The following FAM193A variants were observed in gnomAD, a reference collection of about 807,000 sequenced individuals.
The protein encoded by FAM193A is family with sequence similarity 193 member A, also known as protein FAM193A.
A neutral mutation model predicts 126.5 loss-of-function variants in FAM193A; 22 were observed. The observed-to-expected ratio is 0.17, with a 90% CI of 0.12 to 0.25. The LOEUF (loss-of-function observed/expected upper bound fraction) is 0.25, where lower values mean the gene tolerates loss of function less well. Among genes scored for constraint, FAM193A ranks in the 10% least tolerant of loss-of-function variants. The probability of loss-of-function intolerance (pLI) is 1.00; values close to 1 mark genes in which losing one functional copy is unlikely to be tolerated. For synonymous variants in FAM193A, 761 were observed against 646.8 expected (o/e 1.18, Z -2.68); for missense variants, 1,675 against 1,672.8 (o/e 1.00, Z -0.02).
At chr4:2,680,773 T>A (rs906451850) in intron 13 of FAM193A, among the ~76,000 whole-genome samples, 1 of 151,922 alleles carries the variant, frequency 6.6e-6, no homozygotes, top group Non-Finnish European at 1.5e-5. Flanking sequence ...TCCCATATAG[T>A]TGGGATTACA....
chr4:2,725,938 G>A (rs1019552602), intron 20 of FAM193A, among the ~76,000 whole-genome samples: 3 of 151,426 alleles, frequency 2.0e-5, no homozygotes, highest in African/African-American at 4.9e-5. Flanking sequence ...TCGCTCTGGC[G>A]CCCAGGCTGG....
chr4:2,678,502 A>T (rs2109197927), intron 13 of FAM193A, among the ~76,000 whole-genome samples: 1 of 151,582 alleles, frequency 6.6e-6, no homozygotes, highest in Middle Eastern at 3.4e-3. Context: ...AGCTGGGATT[A>T]CAGGCATGCG....
intron 2 of FAM193A, among the ~76,000 whole-genome samples, chr4:2,598,823 T>A (rs532480251): frequency 5.0e-4 from 75 of 151,474 alleles, no homozygotes; most frequent in Non-Finnish European, 8.1e-4. Flanking sequence ...TAGAGGGGAG[T>A]CTCTCTCTAC....
chr4:2,574,741 T>C (rs762297760), intron 1 of FAM193A, among the ~76,000 whole-genome samples: 1 of 152,174 alleles, frequency 6.6e-6, no homozygotes, highest in African/African-American at 2.4e-5. Flanking sequence ...CTTACATGCA[T>C]GGCATTTTTA....
chr4:2,722,848 A>T (rs1272878848), intron 20 of FAM193A, among the ~76,000 whole-genome samples: 1 of 152,206 alleles, frequency 6.6e-6, no homozygotes, highest in Non-Finnish European at 1.5e-5. Flanking sequence ...AGTAAGTAAG[A>T]GACAGGGTTT....
chr4:2,716,442 A>G (rs1232204838), intron 20 of FAM193A, among the ~76,000 whole-genome samples: 2 of 152,132 alleles, frequency 1.3e-5, no homozygotes, highest in African/African-American at 4.8e-5. Context: ...TCCTGGGGAT[A>G]CAGGCCCCTA....
intron 5 of FAM193A, among the ~76,000 whole-genome samples, chr4:2,638,750 G>T: frequency 6.6e-6 from 1 of 152,102 alleles, no homozygotes; most frequent in East Asian, 1.9e-4. Context: ...TGTTCTCTCA[G>T]CCCCCATACC....
intron 12 of FAM193A, among the ~76,000 whole-genome samples, chr4:2,667,800 A>C (rs1324454173): frequency 6.6e-6 from 1 of 152,016 alleles, no homozygotes; most frequent in African/African-American, 2.4e-5. Context: ...TCTTCTGTTG[A>C]TTCTTTTTTT....
chr4:2,662,745 A>G, intron 10 of FAM193A, 93 bp from the exon 11 acceptor site: 1 of 905,434 alleles, frequency 1.1e-6, no homozygotes, highest in South Asian at 1.9e-5. Flanking sequence ...GAAAGCCGTG[A>G]TCTGTCCAGG....
At chr4:2,694,586 A>C (rs1430754972) in intron 16 of FAM193A, among the ~76,000 whole-genome samples, 1 of 152,020 alleles carries the variant, frequency 6.6e-6, no homozygotes, top group Non-Finnish European at 1.5e-5. Context: ...TTTTAAGACA[A>C]ATTCTGTTAC....
chr4:2,649,666 T>C (rs193275713), intron 7 of FAM193A, among the ~76,000 whole-genome samples: 98 of 152,210 alleles, frequency 6.4e-4, no homozygotes, highest in African/African-American at 2.2e-3. Context: ...TGAGACCCTA[T>C]CTCAAAAAAT....
At chr4:2,646,535 G>A in intron 6 of FAM193A, 150 bp from the exon 7 acceptor site, 3 of 754,646 alleles carry the variant, frequency 4.0e-6, no homozygotes, top group Non-Finnish European at 6.4e-6. Context: ...ATCCCTCACA[G>A]CTCCCTGCTG....
chr4:2,698,009 G>A (rs1717234568), intron 18 of FAM193A, among the ~76,000 whole-genome samples: 1 of 152,212 alleles, frequency 6.6e-6, no homozygotes, highest in African/African-American at 2.4e-5. Context: ...CTGAACCTTA[G>A]AGGCTGATGT....
At chr4:2,700,730 G>A (rs1411697600) in intron 19 of FAM193A, among the ~76,000 whole-genome samples, 186 bp downstream of exon 19, 1 of 152,130 alleles carries the variant, frequency 6.6e-6, no homozygotes, top group African/African-American at 2.4e-5. Context: ...TGAGGCCAGG[G>A]TGGGCAGATC....
chr4:2,550,983 G>A (rs1048158580), intron 1 of FAM193A, among the ~76,000 whole-genome samples: 2 of 151,896 alleles, frequency 1.3e-5, no homozygotes, highest in South Asian at 2.1e-4. Flanking sequence ...TATATTTTTA[G>A]TAGAGATGGG....
rs142311748 is a variant in FAM193A at position 2,732,461 on chromosome 4, T to C, written c.*593T>C. On this transcript the variant is annotated 3_prime_UTR_variant, in exon 21 of 21. Coordinates refer to ENST00000637812, the MANE Select transcript of FAM193A (RefSeq NM_001366318.2). ...TCACACCATCAAGTCTGTTATAGAG[T>C]GTACGACTGTATTAACACGGAGGCC... is the stretch of plus-strand genomic sequence containing the variant. The C allele has an allele frequency of 7.8e-3, 1,209 of 154,168 alleles. 18 individuals carry two copies. Among genetic ancestry groups the C allele is most frequent in the African/African-American group, 0.027 (1,136 of 41,572 alleles). 9.6% of individuals were successfully genotyped at this position (154,168 alleles called of 1,614,324 possible).
chr4:2,650,842 G>A lies in FAM193A; in HGVS notation c.1311+4010G>A, dbSNP rs368050997. The stretch of plus-strand genomic sequence containing the variant: ...TGGGTAGGCATGGATAGCCGCCCAC[G>A]GTACACTCTAATGGCAGCAACGGTA... On this transcript the variant is annotated intron_variant, in intron 7 of 20. Transcript: ENST00000637812. 5.3e-5 allele frequency among the ~76,000 whole-genome samples: 8 copies of A among 152,302 alleles called. 1 individual carries two copies. The highest frequency in any genetic ancestry group is 3.9e-4 in the East Asian group (2 of 5,192).
At chr4:2,607,163 A>G (rs1360309725) in intron 2 of FAM193A, among the ~76,000 whole-genome samples, 1 of 152,324 alleles carries the variant, frequency 6.6e-6, no homozygotes, top group South Asian at 2.1e-4. Flanking sequence ...CACGCAGAAT[A>G]TTCAGAAGAC....
intron 12 of FAM193A, among the ~76,000 whole-genome samples, chr4:2,663,560 T>C (rs1004888398): frequency 2.6e-5 from 4 of 152,216 alleles, no homozygotes; most frequent in African/African-American, 9.6e-5. Context: ...AATAGTGGAA[T>C]ATTAAAATTT....
Sources: gnomAD v4.1 joint callset for allele counts (sites outside exome capture counted in the v4.1 genomes callset) on GRCh38, gnomAD v4.1.1 for gene constraint, MANE v1.5 for transcripts, NCBI Gene and HGNC (gene_info 2026-07-23, HGNC 2026-07-21) for gene names.